The following XYLB variants were observed in gnomAD, a reference collection of about 807,000 sequenced individuals.
XYLB encodes the protein xylulose kinase.
XYLB carries 62 observed loss-of-function variants against 78.7 expected under a neutral mutation model. The observed-to-expected ratio is 0.79, with a 90% confidence interval of 0.64 to 0.97. The LOEUF (loss-of-function observed/expected upper bound fraction) is 0.97. XYLB is among the 50% of genes least tolerant of loss of function. The pLI, the probability that XYLB is intolerant of heterozygous loss-of-function variation, is 0.00. For missense variants in XYLB, 687 were observed against 676.8 expected (o/e 1.02, Z -0.17); for synonymous variants, 245 against 247.4 (o/e 0.99, Z 0.09).
intron 12 of XYLB, 73 bp from the exon 13 acceptor site, chr3:38,376,044 C>G (rs1706836660): frequency 1.0e-6 from 1 of 1,001,464 alleles, no homozygotes; most frequent in African/African-American, 1.6e-5. Context: ...CTGCCTGAGT[C>G]TCTTCACTGA....
chr3:38,368,008 C>T (rs546631899), intron 7 of XYLB, among the ~76,000 whole-genome samples, 177 bp from the exon 8 acceptor site: 190 of 152,328 alleles, frequency 1.2e-3, no homozygotes, highest in Middle Eastern at 3.4e-3. Context: ...GGAGTCTGCT[C>T]ATGGTATTCC....
intron 15 of XYLB, among the ~76,000 whole-genome samples, chr3:38,387,102 A>T (rs1228203307): frequency 6.6e-6 from 1 of 152,174 alleles, no homozygotes; most frequent in Non-Finnish European, 1.5e-5. Flanking sequence ...GATATACCTA[A>T]GTAAGGGTTT....
chr3:38,427,311 A>G, the XYLB span, among the ~76,000 whole-genome samples: 1 of 152,164 alleles, frequency 6.6e-6, no homozygotes, highest in Non-Finnish European at 1.5e-5. Context: ...AAGTGCTGGG[A>G]TTACAGGCGT....
At chr3:38,419,966 C>T (rs1447262482), downstream of XYLB, among the ~76,000 whole-genome samples, 1 of 151,900 alleles carries the variant, frequency 6.6e-6, no homozygotes, top group African/African-American at 2.4e-5. Context: ...ATTACAGGCA[C>T]CCCCAACCAT....
chr3:38,438,070 A>G, the XYLB span, among the ~76,000 whole-genome samples: 1 of 152,078 alleles, frequency 6.6e-6, no homozygotes, highest in Non-Finnish European at 1.5e-5. Context: ...AATAAAAAAT[A>G]AAATATAACA....
At chr3:38,450,432 A>C in the XYLB span, among the ~76,000 whole-genome samples, 4 of 152,166 alleles carry the variant, frequency 2.6e-5, no homozygotes, top group Non-Finnish European at 4.4e-5. Flanking sequence ...GATTCTTCTC[A>C]ATTCCTTGGT....
chr3:38,352,570 G>A (rs1389521859), intron 2 of XYLB, among the ~76,000 whole-genome samples: 1 of 152,214 alleles, frequency 6.6e-6, no homozygotes, highest in Non-Finnish European at 1.5e-5. Context: ...ACTTTGGGAG[G>A]CTGAAGCGGG....
intron 6 of XYLB, 70 bp downstream of exon 6, chr3:38,365,806 G>A: frequency 6.6e-7 from 1 of 1,505,952 alleles, no homozygotes; most frequent in East Asian, 2.4e-5. Flanking sequence ...TGGGTGACCT[G>A]CCTCTGGGGG....
At chr3:38,447,900 T>C in the XYLB span, among the ~76,000 whole-genome samples, 1 of 152,236 alleles carries the variant, frequency 6.6e-6, no homozygotes, top group African/African-American at 2.4e-5. Context: ...ATATACACAA[T>C]GAAATACTAT....
intron 3 of XYLB, among the ~76,000 whole-genome samples, chr3:38,361,420 C>A (rs847111): frequency 0.9 from 136,085 of 152,024 alleles, 61,403 homozygotes; most frequent in East Asian, 1. Context: ...TCTTTTTGTT[C>A]AAAATAACTG....
intron 3 of XYLB, among the ~76,000 whole-genome samples, 191 bp from the exon 4 acceptor site, chr3:38,362,745 CT>C (rs1279268700): frequency 2.0e-5 from 3 of 152,100 alleles, no homozygotes; most frequent in Non-Finnish European, 4.4e-5. Context: ...CATAGTTGAC[CT>C]TTTTATTTGA....
the XYLB span, among the ~76,000 whole-genome samples, chr3:38,449,322 C>G: frequency 1.3e-5 from 2 of 151,932 alleles, no homozygotes; most frequent in Non-Finnish European, 2.9e-5. Flanking sequence ...AGGGTTTCAC[C>G]GTGTTGGCCA....
intron 18 of XYLB, among the ~76,000 whole-genome samples, chr3:38,410,726 G>T (rs1192764089): frequency 6.6e-6 from 1 of 152,082 alleles, no homozygotes; most frequent in Non-Finnish European, 1.5e-5. Flanking sequence ...TGAAGGACAT[G>T]AACAGACACT....
chr3:38,402,100 G>A (rs1708145012), intron 18 of XYLB, among the ~76,000 whole-genome samples: 1 of 152,066 alleles, frequency 6.6e-6, no homozygotes, highest in Non-Finnish European at 1.5e-5. Context: ...AAATTCCACA[G>A]GGTGATGCAA....
the XYLB span, among the ~76,000 whole-genome samples, chr3:38,429,678 G>A: frequency 6.6e-6 from 1 of 152,124 alleles, no homozygotes; most frequent in South Asian, 2.1e-4. Flanking sequence ...TTTACATTGG[G>A]TATTTCTCCT....
intron 17 of XYLB, among the ~76,000 whole-genome samples, chr3:38,399,816 C>T (rs1328838842): frequency 3.3e-5 from 5 of 152,226 alleles, no homozygotes; most frequent in African/African-American, 1.2e-4. Context: ...GCTCACCAGT[C>T]CCTACCCAGA....
the XYLB span, among the ~76,000 whole-genome samples, chr3:38,437,712 G>A: frequency 6.6e-6 from 1 of 152,100 alleles, no homozygotes; most frequent in Non-Finnish European, 1.5e-5. Context: ...AGGAGGCTTT[G>A]GCAGTAGGAT....
intron 4 of XYLB, among the ~76,000 whole-genome samples, chr3:38,364,465 C>T (rs1256936174): frequency 6.6e-6 from 1 of 151,932 alleles, no homozygotes; most frequent in Non-Finnish European, 1.5e-5. Flanking sequence ...ACCCCAGCCT[C>T]CTGAGCATGG....
intron 4 of XYLB, 116 bp from the exon 5 acceptor site, chr3:38,365,083 C>T (rs1005032304): frequency 3.6e-6 from 3 of 833,178 alleles, no homozygotes; most frequent in Non-Finnish European, 5.8e-6. Context: ...TAAGAAGTGG[C>T]AGGGGCAGGT....
Sources: gnomAD v4.1 joint callset for allele counts (sites outside exome capture counted in the v4.1 genomes callset) on GRCh38, gnomAD v4.1.1 for gene constraint, MANE v1.5 for transcripts, NCBI Gene and HGNC (gene_info 2026-07-23, HGNC 2026-07-21) for gene names.